The following WDR5 variants were observed in gnomAD, a reference collection of about 807,000 sequenced individuals.
WDR5 encodes the protein WD repeat-containing protein 5.
For missense variants in WDR5, 187 were observed against 416.9 expected (o/e 0.45, Z 4.80); for synonymous variants, 144 against 161.6 (o/e 0.89, Z 0.83).
chr9:134,139,847 C>T lies in WDR5; in HGVS notation c.-31C>T. On this transcript the variant is annotated 5_prime_UTR_variant, in exon 2 of 14. Transcript: ENST00000358625. The stretch of plus-strand genomic sequence containing the variant: ...TGCCTCTGTCACCGGGTCCCTCCAC[C>T]CTTGTCTCCTGTGCGGCCAGCGTCA... 2 of 1,613,090 alleles carry T rather than the reference C, an allele frequency of 1.2e-6. No individual in the cohort carries two copies. The highest frequency in any genetic ancestry group is 1.7e-6 in the Non-Finnish European group (2 of 1,179,644).
rs780325306 is a variant in WDR5 at position 134,155,322 on chromosome 9, C to T, written c.708-18C>T. 1.3e-5 allele frequency: 20 copies of T among 1,592,192 alleles called. No homozygotes were observed. The Admixed American group carries it at 2.0e-4, about 16-fold the overall frequency. ...ATGCCTCCAGACATGCCGCCTCACC[C>T]CTCTCTCTGTCTTGCAGCACTCTGA... On this transcript the variant is annotated intron_variant, in intron 10 of 13. Transcript: ENST00000358625.
chr9:134,137,470 G>C (rs148309772), intron 1 of WDR5, among the ~76,000 whole-genome samples: 3,008 of 152,088 alleles, frequency 0.02, 45 homozygotes, highest in Middle Eastern at 0.031. Flanking sequence ...ATTGCCTGAG[G>C]TCAGGAGTTC....
At chr9:134,147,540 C>G (rs1272513826) in intron 7 of WDR5, among the ~76,000 whole-genome samples, 2 of 152,164 alleles carry the variant, frequency 1.3e-5, no homozygotes, top group Admixed American at 6.5e-5. Flanking sequence ...AGAGTCTGGT[C>G]TAAAATGTCA....
intron 8 of WDR5, 45 bp from the exon 9 acceptor site, chr9:134,151,938 T>A: frequency 1.2e-6 from 2 of 1,603,224 alleles, no homozygotes; most frequent in Non-Finnish European, 1.7e-6. Flanking sequence ...CCGCGTGAGA[T>A]CATAACTTGT....
intron 13 of WDR5, 56 bp downstream of exon 13, chr9:134,156,649 T>C (rs369334777): frequency 1.3e-6 from 2 of 1,579,530 alleles, no homozygotes; most frequent in Non-Finnish European, 1.7e-6. Flanking sequence ...GGACAGTTCC[T>C]GCAGGTGAAG....
At chr9:134,140,949 T>C (rs28626085) in intron 3 of WDR5, 138 bp downstream of exon 3, 17,560 of 780,192 alleles carry the variant, frequency 0.023, 256 homozygotes, top group Middle Eastern at 0.038. Context: ...AGCAGGCGGG[T>C]GTGTCTCCTC....
chr9:134,141,538 C>T lies in WDR5; in HGVS notation c.219C>T (p.Gly73=), dbSNP rs757880123. Residue 73 remains glycine (G), a synonymous_variant, in exon 4 of 14, where the codon GGC becomes GGT. Transcript: ENST00000358625. The part of the protein sequence containing the change: ...SSADKLIKIW[G]AYDGKFEKTI... ...CTGATAAACTTATTAAAATTTGGGG[C>T]GCGTATGATGGGAAATTTGAGAAAA... The T allele has an allele frequency of 1.2e-5, 19 of 1,613,800 alleles. No individual in the cohort carries two copies. The highest frequency in any genetic ancestry group is 5.0e-5 in the Admixed American group (3 of 59,968).
At chr9:134,142,547 G>A (rs1409464699) in intron 6 of WDR5, 89 bp from the exon 7 acceptor site, 5 of 1,557,272 alleles carry the variant, frequency 3.2e-6, no homozygotes, top group Non-Finnish European at 3.5e-6. Context: ...CTGTTTGTGG[G>A]GAGGATGGGC....
rs79779069 is a variant in WDR5, at chr9:134,154,713, G to A, written c.707+172G>A. Among the ~76,000 whole-genome samples the A allele has an allele frequency of 6.3e-3, 960 of 152,278 alleles. 10 individuals carry two copies. Among genetic ancestry groups the A allele is most frequent in the African/African-American group, 0.021 (856 of 41,558 alleles). On this transcript the variant is annotated intron_variant, in intron 10 of 13. Transcript: ENST00000358625. The stretch of plus-strand genomic sequence containing the variant: ...CTGTTAGGTCGGAGGGCAGGCCCCC[G>A]TCCATCCCTTCCCGAGGCTGAACCT...
Position 134,146,595 on chromosome 9 carries a change from A to G in WDR5, c.529-1693A>G, listed in dbSNP as rs1260531644. Among the ~76,000 whole-genome samples the G allele has an allele frequency of 2.0e-5, 3 of 152,228 alleles. No individual in the cohort carries two copies. In the South Asian group the frequency reaches 6.2e-4, roughly 32 times the overall value. On this transcript the variant is annotated intron_variant, in intron 7 of 13. Transcript: ENST00000358625. ...GCAGCCTTCTGCTGGAGTGCAGTGG[A>G]TGGGCTGTATTGCCCCTTGCACCTG... is the stretch of plus-strand genomic sequence containing the variant.
intron 9 of WDR5, among the ~76,000 whole-genome samples, chr9:134,153,650 G>C (rs960097824): frequency 2.6e-5 from 4 of 152,212 alleles, no homozygotes; most frequent in Non-Finnish European, 5.9e-5. Flanking sequence ...GAGACGCCAG[G>C]TGCCTGGCGA....
At chr9:134,154,240 C>T (rs1476217069) in intron 9 of WDR5, among the ~76,000 whole-genome samples, 1 of 152,058 alleles carries the variant, frequency 6.6e-6, no homozygotes, top group African/African-American at 2.4e-5. Flanking sequence ...GTCCTGGTGT[C>T]AAGGGGCCCC....
intron 3 of WDR5, 75 bp from the exon 4 acceptor site, chr9:134,141,435 G>C: frequency 3.4e-6 from 5 of 1,483,184 alleles, no homozygotes; most frequent in Non-Finnish European, 4.7e-6. Context: ...TGTGGGAAAA[G>C]CTCAGACTTT....
chr9:134,146,239 C>CT lies in WDR5; in HGVS notation c.529-2036dup, dbSNP rs1278208507. 7.6e-3 allele frequency among the ~76,000 whole-genome samples: 1,038 copies of CT among 136,822 alleles called. 16 individuals carry two copies. Among genetic ancestry groups the CT allele is most frequent in the African/African-American group, 0.018 (685 of 37,258 alleles). The allele number at this position is 136,822 out of a possible 152,430, so 89.8% of individuals were successfully genotyped here. On this transcript the variant is annotated intron_variant, in intron 7 of 13. Coordinates refer to ENST00000358625, the MANE Select transcript of WDR5 (RefSeq NM_017588.3). The stretch of plus-strand genomic sequence containing the variant: ...ACCTCGGCCTCCTGAAGTGCTGGGT[C>CT]TTTTTTTTTTTTTGAGACAGGGTCT...
At chr9:134,150,314 A>G (rs911509859) in intron 8 of WDR5, among the ~76,000 whole-genome samples, 6 of 152,224 alleles carry the variant, frequency 3.9e-5, no homozygotes, top group African/African-American at 1.2e-4. Context: ...ATCTAATTCT[A>G]CCAACAGATT....
chr9:134,141,831 A>G (rs1354852613), intron 4 of WDR5, 118 bp from the exon 5 acceptor site: 3 of 1,069,874 alleles, frequency 2.8e-6, no homozygotes, highest in Non-Finnish European at 4.1e-6. Flanking sequence ...TGTCTTTTGT[A>G]AGGTTAACAC....
At chr9:134,151,658 CT>C (rs1832493226) in intron 8 of WDR5, among the ~76,000 whole-genome samples, 1 of 152,184 alleles carries the variant, frequency 6.6e-6, no homozygotes, top group African/African-American at 2.4e-5. Flanking sequence ...GCTGCTGCCC[CT>C]CTCCTTGGCC....
At position 134,157,700 on chromosome 9, in the gene WDR5, G is replaced by A. The variant is rs1377239115; in HGVS notation, c.905-193G>A. 1.3e-5 allele frequency among the ~76,000 whole-genome samples: 2 copies of A among 152,050 alleles called. No individual in the cohort carries two copies. Among genetic ancestry groups the A allele is most frequent in the Non-Finnish European group, 2.9e-5 (2 of 68,010 alleles). On this transcript the variant is annotated intron_variant, in intron 13 of 13. Transcript: ENST00000358625. This position sits in a 1 kb window ranked among gnomAD's most constrained non-coding sequence, Gnocchi z 5.0. ...CAACCGGCTGTGTCGCCCTGGTACC[G>A]GCTGCTGTCCCCTCGCTCCCCTCCC...
chr9:134,140,173 A>G (rs1474010012), intron 2 of WDR5, among the ~76,000 whole-genome samples: 1 of 152,238 alleles, frequency 6.6e-6, no homozygotes, highest in Non-Finnish European at 1.5e-5. Context: ...TATCAAAAAT[A>G]CAGATTCTTG....
Sources: allele counts gnomAD v4.1 joint callset (sites outside exome capture counted in the v4.1 genomes callset), GRCh38; gene constraint gnomAD v4.1.1; non-coding constraint Gnocchi (gnomAD v3.1); transcripts MANE v1.5; gene names NCBI Gene and HGNC (gene_info 2026-07-23, HGNC 2026-07-21).